PCDH11X: variants seen among roughly 807,000 people sequenced by gnomAD.
PCDH11X encodes the protein protocadherin 11 X-linked, also known as protocadherin-11 X-linked.
PCDH11X carries 18 observed loss-of-function variants against 53.3 expected under a neutral mutation model. The ratio of observed to expected loss-of-function variants is 0.34; its 90% CI spans 0.23 to 0.50. PCDH11X has a LOEUF of 0.50. Ranked by LOEUF, PCDH11X falls within the 20% of genes least tolerant of loss-of-function variation. The probability of loss-of-function intolerance (pLI) is 0.98; values close to 1 mark genes in which losing one functional copy is unlikely to be tolerated. For missense variants in PCDH11X, 570 were observed against 1,032.4 expected (o/e 0.55, Z 6.14); for synonymous variants, 279 against 393.3 (o/e 0.71, Z 3.44).
chrX:92,343,976 TG>T (rs1374058027), intron 8 of PCDH11X, among the ~76,000 whole-genome samples: 1 of 110,803 alleles, frequency 9.0e-6, no homozygotes, highest in African/African-American at 3.3e-5. Flanking sequence ...TTTTTTTTCT[TG>T]CCCCTGTCTC....
rs757933010 is a variant in PCDH11X at position 92,297,663 on chromosome X, C to T, written c.3144+34520C>T. ...TGGTGCCATATGAATTTTAAAATAG[C>T]TTTTCTAATTCTGTGAGGAATGTCT... On this transcript the variant is annotated intron_variant, in intron 8 of 10. Transcript: ENST00000682573. Among the ~76,000 whole-genome samples the T allele has an allele frequency of 2.7e-5, 3 of 111,447 alleles. No individual in the cohort carries two copies. In the South Asian group the frequency reaches 1.1e-3, roughly 42 times the overall value.
intron 1 of PCDH11X, among the ~76,000 whole-genome samples, chrX:91,783,873 CCAGA>C (rs757704834): frequency 3.0e-3 from 331 of 111,840 alleles, no homozygotes; most frequent in African/African-American, 0.01. Context: ...ACCTACTGTG[CCAGA>C]CAATGTGATA....
At chrX:91,953,566 C>G (rs1249479101) in intron 6 of PCDH11X, among the ~76,000 whole-genome samples, 1 of 110,376 alleles carries the variant, frequency 9.1e-6, no homozygotes, top group Non-Finnish European at 1.9e-5. Flanking sequence ...CTTGTTATTG[C>G]TAATTCTCAT....
Position 92,618,405 on chromosome X carries a change from C to T in PCDH11X, c.3509C>T (p.Ala1170Val), listed in dbSNP as rs767095460. ...HSSSSQAQAS[A>V]LCHSPPLSQA... ...AGCTCTTCGCAAGCACAGGCCTCTG[C>T]TCTATGCCACAGCCCACCACTGTCA... The change falls in exon 11 of 11, where the codon GCT becomes GTT. Residue 1170 changes from alanine to valine, a missense_variant. Physicochemically the swap from Ala to Val is moderately conservative, Grantham distance 64. Transcript: ENST00000682573. 8.3e-7 allele frequency: 1 copy of T among 1,211,655 alleles called. No homozygotes were observed. The highest frequency in any genetic ancestry group is 2.2e-5 in the Admixed American group (1 of 46,034).
intron 6 of PCDH11X, among the ~76,000 whole-genome samples, chrX:92,185,110 A>G (rs1033679671): frequency 2.7e-5 from 3 of 110,371 alleles, no homozygotes; most frequent in East Asian, 5.7e-4. Context: ...GGGCTATTTC[A>G]TTGCCTGTGC....
chrX:91,893,655 A>T (rs1360112346), intron 6 of PCDH11X, among the ~76,000 whole-genome samples: 1 of 111,122 alleles, frequency 9.0e-6, no homozygotes, highest in Non-Finnish European at 1.9e-5. Context: ...TTCACCCCAA[A>T]TAGAAATCAT....
rs759563961 is a variant in PCDH11X at position 91,926,824 on chromosome X, C to A, written c.3033+47551C>A. ...AGTTATCATTTCTTTGTGTTGGGAA[C>A]ATTTAATATCCTCCTTCTAACGATT... On this transcript the variant is annotated intron_variant, in intron 6 of 10. Coordinates refer to ENST00000682573, the MANE Select transcript of PCDH11X (RefSeq NM_032968.5). Among the ~76,000 whole-genome samples, 624 of 110,919 alleles carry A rather than the reference C, an allele frequency of 5.6e-3. 4 individuals are homozygous for A. Among genetic ancestry groups the A allele is most frequent in the African/African-American group, 0.019 (577 of 30,614 alleles).
chrX:92,275,252 C>T (rs998282233), intron 8 of PCDH11X, among the ~76,000 whole-genome samples: 5 of 102,941 alleles, frequency 4.9e-5, no homozygotes, highest in African/African-American at 1.4e-4. Flanking sequence ...GAATTCTGAC[C>T]GCACTAACCA....
chrX:92,349,758 T>C (rs2069995495), intron 8 of PCDH11X, among the ~76,000 whole-genome samples: 1 of 111,501 alleles, frequency 9.0e-6, no homozygotes, highest in African/African-American at 3.3e-5. Context: ...CACTTCAGTA[T>C]TCAGGAACTT....
At chrX:92,322,840 T>C (rs1052691924) in intron 8 of PCDH11X, among the ~76,000 whole-genome samples, 2 of 110,896 alleles carry the variant, frequency 1.8e-5, no homozygotes, top group African/African-American at 6.6e-5. Context: ...AAGGGGATAC[T>C]TAATACTGTT....
chrX:92,485,262 A>G (rs1458056560), intron 10 of PCDH11X, among the ~76,000 whole-genome samples: 1 of 111,123 alleles, frequency 9.0e-6, no homozygotes, highest in East Asian at 2.8e-4. Context: ...ATAATAGTGT[A>G]TTTACCCCAG....
intron 8 of PCDH11X, among the ~76,000 whole-genome samples, chrX:92,361,953 A>T (rs1023857780): frequency 5.4e-5 from 6 of 111,494 alleles, no homozygotes; most frequent in Admixed American, 9.6e-5. Flanking sequence ...AACTTAGCAT[A>T]ATATTCTCAA....
At chrX:91,902,448 T>A (rs1191499040) in intron 6 of PCDH11X, among the ~76,000 whole-genome samples, 1 of 104,093 alleles carries the variant, frequency 9.6e-6, no homozygotes, top group Non-Finnish European at 2.0e-5. Context: ...TTTTTGGCCT[T>A]CTGGTAATTC....
intron 6 of PCDH11X, among the ~76,000 whole-genome samples, chrX:92,010,210 C>A (rs1472565195): frequency 3.6e-5 from 4 of 109,670 alleles, no homozygotes; most frequent in African/African-American, 1.3e-4. Context: ...TCAAAATAAG[C>A]AAATACCTAC....
At chrX:91,962,444 C>G (rs1166878499) in intron 6 of PCDH11X, among the ~76,000 whole-genome samples, 1 of 112,591 alleles carries the variant, frequency 8.9e-6, no homozygotes, top group East Asian at 2.8e-4. Flanking sequence ...TGTGCTGATG[C>G]AAGAGGTGAG....
At chrX:92,350,098 C>CT (rs1204351160) in intron 8 of PCDH11X, among the ~76,000 whole-genome samples, 3 of 110,659 alleles carry the variant, frequency 2.7e-5, no homozygotes, top group African/African-American at 9.9e-5. Flanking sequence ...TTTATTTACG[C>CT]TATCTATTTC....
chrX:92,522,734 G>A (rs1479161109), intron 10 of PCDH11X, among the ~76,000 whole-genome samples: 2 of 112,485 alleles, frequency 1.8e-5, no homozygotes, highest in Non-Finnish European at 3.8e-5. Flanking sequence ...TTTCAAAATA[G>A]TCCTTCTGAA....
chrX:91,845,542 C>A (rs1442062365), intron 5 of PCDH11X, among the ~76,000 whole-genome samples: 1 of 110,030 alleles, frequency 9.1e-6, no homozygotes, highest in Non-Finnish European at 1.9e-5. Flanking sequence ...TAGGAATGCA[C>A]CTTTTTAACT....
At chrX:92,478,557 G>T in intron 10 of PCDH11X, among the ~76,000 whole-genome samples, 1 of 110,937 alleles carries the variant, frequency 9.0e-6, no homozygotes, top group South Asian at 3.8e-4. Flanking sequence ...CAGAGATTCT[G>T]CTATATTGTA....
Sources: gnomAD v4.1 joint callset for allele counts (sites outside exome capture counted in the v4.1 genomes callset) on GRCh38, gnomAD v4.1.1 for gene constraint, MANE v1.5 for transcripts, NCBI Gene and HGNC (gene_info 2026-07-23, HGNC 2026-07-21) for gene names.